The following CLSTN2 variants were observed in gnomAD, a reference collection of about 807,000 sequenced individuals.
CLSTN2 encodes the protein calsyntenin-2.
In CLSTN2, 48 loss-of-function variants were observed where a neutral mutation model predicts 101.2. That is an observed-to-expected ratio of 0.47 (90% CI 0.38 to 0.60). The LOEUF (loss-of-function observed/expected upper bound fraction) is 0.60, where lower values mean the gene tolerates loss of function less well. CLSTN2 is among the 20% of genes least tolerant of loss of function. The probability of loss-of-function intolerance (pLI) is 0.00; values close to 1 mark genes in which losing one functional copy is unlikely to be tolerated. For synonymous variants in CLSTN2, 481 were observed against 463.6 expected (o/e 1.04, Z -0.48); for missense variants, 1,160 against 1,238.2 (o/e 0.94, Z 0.95).
At chr3:140,362,802 T>C (rs1221816190) in intron 2 of CLSTN2, among the ~76,000 whole-genome samples, 1 of 152,110 alleles carries the variant, frequency 6.6e-6, no homozygotes, top group Non-Finnish European at 1.5e-5. Context: ...AGATATACCA[T>C]AATGATTTTA....
chr3:140,307,696 T>C (rs1408563343), intron 2 of CLSTN2, among the ~76,000 whole-genome samples: 1 of 152,174 alleles, frequency 6.6e-6, no homozygotes, highest in Non-Finnish European at 1.5e-5. Context: ...TCTTTATCTT[T>C]TCTCAATAGT....
intron 1 of CLSTN2, among the ~76,000 whole-genome samples, chr3:140,139,154 GGA>G (rs2009659000): frequency 6.6e-6 from 1 of 152,286 alleles, no homozygotes; most frequent in Admixed American, 6.5e-5. Context: ...TAGGCAGAAG[GGA>G]GAGAGAGCAT....
At chr3:140,120,884 T>C (rs942626641) in intron 1 of CLSTN2, among the ~76,000 whole-genome samples, 5 of 152,204 alleles carry the variant, frequency 3.3e-5, no homozygotes, top group African/African-American at 1.2e-4. Context: ...TAGGCATCCC[T>C]GTGCCCTGGC....
intron 8 of CLSTN2, among the ~76,000 whole-genome samples, chr3:140,490,596 G>GAAAAAAAAAAAA (rs71149081): frequency 1.1e-5 from 1 of 90,116 alleles, no homozygotes. Flanking sequence ...CCTTGTCTCA[G>GAAAAAAAAAAAA]AAAAAAAAAA....
At chr3:140,198,893 A>G (rs912783815) in intron 2 of CLSTN2, among the ~76,000 whole-genome samples, 4 of 152,250 alleles carry the variant, frequency 2.6e-5, no homozygotes, top group Non-Finnish European at 4.4e-5. Flanking sequence ...GGATGAAATT[A>G]TATCCCACTT....
chr3:140,495,165 A>G (rs1255678641), intron 8 of CLSTN2, among the ~76,000 whole-genome samples: 2 of 152,178 alleles, frequency 1.3e-5, no homozygotes, highest in Non-Finnish European at 2.9e-5. Flanking sequence ...TCTGACTGGC[A>G]TGAGATGGTA....
chr3:140,319,104 G>C (rs1346207691), intron 2 of CLSTN2, among the ~76,000 whole-genome samples: 1 of 152,140 alleles, frequency 6.6e-6, no homozygotes, highest in Non-Finnish European at 1.5e-5. Context: ...TCAGTTTCTT[G>C]ATTAGTAAAA....
chr3:140,462,053 A>C (rs927725587), intron 7 of CLSTN2, among the ~76,000 whole-genome samples: 1 of 145,162 alleles, frequency 6.9e-6, no homozygotes, highest in Non-Finnish European at 1.5e-5. Flanking sequence ...AACACAGAAA[A>C]GCATAAAAGA....
At chr3:140,292,499 C>A (rs575612390) in intron 2 of CLSTN2, among the ~76,000 whole-genome samples, 61 of 152,298 alleles carry the variant, frequency 4.0e-4, no homozygotes, top group African/African-American at 1.4e-3. Flanking sequence ...CATTCCTCAG[C>A]AAATCTTTGT....
chr3:140,039,921 A>C (rs2007728209), intron 1 of CLSTN2, among the ~76,000 whole-genome samples: 1 of 152,196 alleles, frequency 6.6e-6, no homozygotes, highest in Non-Finnish European at 1.5e-5. Context: ...ATGTTGAGCT[A>C]TTTCTAAGTT....
At chr3:140,255,725 A>G (rs374745448) in intron 2 of CLSTN2, among the ~76,000 whole-genome samples, 1 of 152,298 alleles carries the variant, frequency 6.6e-6, no homozygotes, top group Admixed American at 6.5e-5. Context: ...ATTTACCCAT[A>G]TACCAAACCT....
At position 140,056,344 on chromosome 3, in the gene CLSTN2, C is replaced by T. The variant is rs187005090; in HGVS notation, c.110-119607C>T. Among the ~76,000 whole-genome samples, 10 of 152,300 alleles carry T rather than the reference C, an allele frequency of 6.6e-5. No homozygotes were observed. In the East Asian group the frequency reaches 1.2e-3, roughly 18 times the overall value. ...TCAAGGACTCTACCAAGTATCTCCC[C>T]TCCTGCCAACCCCCACTCTGGGTTA... On this transcript the variant is annotated intron_variant, in intron 1 of 16. Coordinates refer to ENST00000458420, the MANE Select transcript of CLSTN2 (RefSeq NM_022131.3).
intron 9 of CLSTN2, among the ~76,000 whole-genome samples, chr3:140,540,900 G>A (rs1935461947): frequency 6.6e-6 from 1 of 152,218 alleles, no homozygotes; most frequent in Non-Finnish European, 1.5e-5. Context: ...CTTCATTCCT[G>A]ATGCAAACTC....
chr3:140,379,693 TG>T (rs1255047046), intron 2 of CLSTN2, among the ~76,000 whole-genome samples: 1 of 152,172 alleles, frequency 6.6e-6, no homozygotes, highest in Non-Finnish European at 1.5e-5. Flanking sequence ...ATTTTGTCAT[TG>T]GGTACAGGTT....
At chr3:140,142,506 C>A (rs188788258) in intron 1 of CLSTN2, among the ~76,000 whole-genome samples, 1 of 152,278 alleles carries the variant, frequency 6.6e-6, no homozygotes, top group Non-Finnish European at 1.5e-5. Context: ...CTATCCAAAC[C>A]CACACCAGGT....
chr3:140,019,566 G>T (rs748746682), intron 1 of CLSTN2, among the ~76,000 whole-genome samples: 26 of 152,110 alleles, frequency 1.7e-4, no homozygotes, highest in Non-Finnish European at 3.4e-4. Context: ...GGCATAGTTG[G>T]GTATTTTTAA....
At chr3:140,205,920 G>T (rs1211498271) in intron 2 of CLSTN2, among the ~76,000 whole-genome samples, 1 of 152,154 alleles carries the variant, frequency 6.6e-6, no homozygotes, top group Non-Finnish European at 1.5e-5. Context: ...ACTCACAGGT[G>T]CATGCACTGT....
rs1323036016 is a variant in CLSTN2, at chr3:140,135,161, TAA to T, written c.110-40787_110-40786del. Among the ~76,000 whole-genome samples, 250 of 98,746 alleles carry T rather than the reference TAA, an allele frequency of 2.5e-3. 1 individual carries two copies. Among genetic ancestry groups the T allele is most frequent in the African/African-American group, 7.7e-3 (233 of 30,440 alleles). 64.8% of individuals were successfully genotyped at this position (98,746 alleles called of 152,430 possible). The stretch of plus-strand genomic sequence containing the variant: ...ATATATATATATATATATATATATA[TAA>T]AATATGCTGGGTATTACAGTCATCC... On this transcript the variant is annotated intron_variant, in intron 1 of 16. Coordinates refer to ENST00000458420, the MANE Select transcript of CLSTN2 (RefSeq NM_022131.3).
intron 2 of CLSTN2, among the ~76,000 whole-genome samples, chr3:140,391,613 T>C (rs1261699894): frequency 6.6e-6 from 1 of 152,032 alleles, no homozygotes; most frequent in East Asian, 1.9e-4. Context: ...ATATAATTTA[T>C]AGTGATTTTA....
Sources: allele counts gnomAD v4.1 joint callset (sites outside exome capture counted in the v4.1 genomes callset), GRCh38; gene constraint gnomAD v4.1.1; transcripts MANE v1.5; gene names NCBI Gene and HGNC (gene_info 2026-07-23, HGNC 2026-07-21).